RBFOX1: variants seen among roughly 807,000 people sequenced by gnomAD.
RBFOX1 encodes RNA binding protein fox-1 homolog 1.
A neutral mutation model predicts 57.7 loss-of-function variants in RBFOX1; 8 were observed. That is an observed-to-expected ratio of 0.14 (90% CI 0.08 to 0.25). The LOEUF is 0.25. Among genes scored for constraint, RBFOX1 ranks in the 10% least tolerant of loss-of-function variants. The probability of loss-of-function intolerance (pLI) is 1.00; values close to 1 mark genes in which losing one functional copy is unlikely to be tolerated. For missense variants in RBFOX1, 611 were observed against 548.5 expected (o/e 1.11, Z -1.14); for synonymous variants, 326 against 222.4 (o/e 1.47, Z -4.15).
rs539015008 is a variant in RBFOX1 at position 6,595,464 on chromosome 16, C to G, written c.-63-59139C>G. On this transcript the variant is annotated intron_variant, in intron 2 of 15. Coordinates refer to ENST00000550418, the MANE Select transcript of RBFOX1 (RefSeq NM_018723.4). Reference sequence around the variant, plus strand: ...TTGTGTTTGTCCATTCATTGGTTGTCAAACATTTGGATTGTTTCCACTTTT... The same window carrying G: ...TTGTGTTTGTCCATTCATTGGTTGTGAAACATTTGGATTGTTTCCACTTTT... 2.5e-4 allele frequency among the ~76,000 whole-genome samples: 38 copies of G among 152,242 alleles called. No individual in the cohort carries two copies. The South Asian group carries it at 7.7e-3, about 31-fold the overall frequency.
chr16:6,786,155 G>T (rs62016103), intron 3 of RBFOX1, among the ~76,000 whole-genome samples: 3,429 of 152,166 alleles, frequency 0.023, 65 homozygotes, highest in Non-Finnish European at 0.032. Context: ...AATGGAGTTC[G>T]GGGGCCAGGC....
intron 2 of RBFOX1, among the ~76,000 whole-genome samples, chr16:6,401,195 G>C (rs764020399): frequency 5.9e-5 from 9 of 152,148 alleles, no homozygotes; most frequent in Non-Finnish European, 1.3e-4. Flanking sequence ...AGAATGATGG[G>C]AGCATGTCCA....
chr16:7,305,072 A>C (rs1017551953), intron 4 of RBFOX1, among the ~76,000 whole-genome samples: 1 of 151,184 alleles, frequency 6.6e-6, no homozygotes, highest in Non-Finnish European at 1.5e-5. Context: ...GCTGTGAAGA[A>C]GGTGAGCTGT....
chr16:7,518,353 G>A lies in RBFOX1; in HGVS notation c.234G>A (p.Ala78=), dbSNP rs1490574094. The stretch of plus-strand genomic sequence containing the variant: ...AGACGCACTCCGAGCAGAGCCCGGC[G>A]GACACGAGCGCTCAGACCGTCTCTG... ...PAQTHSEQSP[A]DTSAQTVSGT... The change falls in exon 5 of 16, where the codon GCG becomes GCA. Residue 78 remains alanine, a synonymous_variant. Transcript: ENST00000550418. 1.2e-6 allele frequency: 2 copies of A among 1,613,086 alleles called. No homozygotes were observed. The highest frequency in any genetic ancestry group is 1.7e-6 in the Non-Finnish European group (2 of 1,179,552).
At chr16:6,826,557 C>A (rs997095480) in intron 3 of RBFOX1, among the ~76,000 whole-genome samples, 1 of 152,226 alleles carries the variant, frequency 6.6e-6, no homozygotes, top group East Asian at 1.9e-4. Context: ...TACGTGCTTG[C>A]GGGCATGCGT....
At chr16:7,025,455 C>G (rs989847462) in intron 3 of RBFOX1, among the ~76,000 whole-genome samples, 6 of 152,134 alleles carry the variant, frequency 3.9e-5, no homozygotes, top group African/African-American at 1.2e-4. Flanking sequence ...AATGCCTAAC[C>G]TTCTGGGAAT....
At chr16:7,696,674 C>T (rs542213273) in intron 14 of RBFOX1, among the ~76,000 whole-genome samples, 1 of 151,874 alleles carries the variant, frequency 6.6e-6, no homozygotes, top group African/African-American at 2.4e-5. Context: ...AGAACAGATC[C>T]CAAAGCACGT....
At chr16:5,628,648 C>T (rs1033639999) in intron 3 of RBFOX1, among the ~76,000 whole-genome samples, 2 of 152,224 alleles carry the variant, frequency 1.3e-5, no homozygotes, top group East Asian at 1.9e-4. Flanking sequence ...ACAGCTGAGA[C>T]AGCTGCTGGG....
At chr16:6,393,437 A>C (rs751995500) in intron 2 of RBFOX1, among the ~76,000 whole-genome samples, 1 of 152,166 alleles carries the variant, frequency 6.6e-6, no homozygotes, top group Non-Finnish European at 1.5e-5. Flanking sequence ...CTTATTACTT[A>C]AACCTGCCCA....
chr16:7,170,145 C>T (rs917073460), intron 4 of RBFOX1, among the ~76,000 whole-genome samples: 2 of 152,150 alleles, frequency 1.3e-5, no homozygotes, highest in Admixed American at 6.5e-5. Flanking sequence ...ATGTTTTGCA[C>T]AGACAGAACT....
At chr16:7,289,122 C>A (rs2095709132) in intron 4 of RBFOX1, among the ~76,000 whole-genome samples, 3 of 152,166 alleles carry the variant, frequency 2.0e-5, no homozygotes, top group Admixed American at 2.0e-4. Context: ...ATCAGAGAGC[C>A]TCCTTAGAGA....
chr16:7,675,986 C>T (rs2073158624), intron 13 of RBFOX1, among the ~76,000 whole-genome samples: 1 of 152,166 alleles, frequency 6.6e-6, no homozygotes, highest in Non-Finnish European at 1.5e-5. Context: ...TTTGAATATG[C>T]CTATTTGCTC....
Position 6,019,448 on chromosome 16 carries a change from G to C in RBFOX1, c.-671G>C. On this transcript the variant is annotated 5_prime_UTR_variant, in exon 1 of 16. Coordinates refer to ENST00000550418, the MANE Select transcript of RBFOX1 (RefSeq NM_018723.4). The surrounding 1 kb of genome is among the most constrained non-coding windows in gnomAD (Gnocchi z 4.2). ...GAGCCCAGGGGCCGCGTCGGGTGGG[G>C]AAACCCGAACTCGCGGAGGGGAATC... The C allele has an allele frequency of 1.0e-6, 1 of 990,984 alleles. No homozygotes were observed. The highest frequency in any genetic ancestry group is 1.7e-5 in the African/African-American group (1 of 57,542). The allele number at this position is 990,984 out of a possible 1,614,324, so 61.4% of individuals were successfully genotyped here.
intron 3 of RBFOX1, among the ~76,000 whole-genome samples, chr16:6,986,771 C>T (rs1450526355): frequency 6.6e-6 from 1 of 152,126 alleles, no homozygotes; most frequent in African/African-American, 2.4e-5. Flanking sequence ...CCAGTTGCCT[C>T]CTCCACTTGC....
At chr16:6,297,413 C>T (rs11648616) in intron 1 of RBFOX1, among the ~76,000 whole-genome samples, 145,875 of 152,098 alleles carry the variant, frequency 0.96, 70,255 homozygotes, top group East Asian at 1. Context: ...TCTGCTGTTT[C>T]ACTGTGGCTT....
intron 1 of RBFOX1, among the ~76,000 whole-genome samples, chr16:5,362,399 G>C (rs2065577981): frequency 6.6e-6 from 1 of 151,276 alleles, no homozygotes; most frequent in Non-Finnish European, 1.5e-5. Flanking sequence ...TTTCGCTCTT[G>C]TTGCCCAGGC....
chr16:5,623,968 TC>T (rs2048273774), intron 3 of RBFOX1, among the ~76,000 whole-genome samples: 1 of 152,114 alleles, frequency 6.6e-6, no homozygotes, highest in Non-Finnish European at 1.5e-5. Flanking sequence ...ATTTCCATCA[TC>T]CCCCAAAGAA....
chr16:7,041,629 C>A (rs1253770461), intron 3 of RBFOX1, among the ~76,000 whole-genome samples: 1 of 152,084 alleles, frequency 6.6e-6, no homozygotes, highest in African/African-American at 2.4e-5. Flanking sequence ...ACAGTCAGTA[C>A]CAATTTACCA....
At position 5,901,654 on chromosome 16, in the gene RBFOX1, A is replaced by C. The variant is rs534517241; in HGVS notation, c.351+34319A>C. On this transcript the variant is annotated intron_variant, in intron 4 of 19. Coordinates refer to the RBFOX1 transcript ENST00000641259. The stretch of plus-strand genomic sequence containing the variant: ...AAGGCTGCCATATTGGAGAGTAAGG[A>C]TATAGGAAATTTCCATCACTACAAA... Among the ~76,000 whole-genome samples the C allele has an allele frequency of 5.7e-4, 87 of 152,326 alleles. 1 individual carries two copies. The highest frequency in any genetic ancestry group is 2.0e-3 in the African/African-American group (83 of 41,570).
Sources: gnomAD v4.1 joint callset for allele counts (sites outside exome capture counted in the v4.1 genomes callset) on GRCh38, gnomAD v4.1.1 for gene constraint, Gnocchi (gnomAD v3.1) non-coding constraint, MANE v1.5 for transcripts, NCBI Gene and HGNC (gene_info 2026-07-23, HGNC 2026-07-21) for gene names.